Variants in PDS5A observed in about 807,000 individuals in gnomAD.
PDS5A encodes PDS5 cohesin associated factor A.
A neutral mutation model predicts 167.1 loss-of-function variants in PDS5A; 42 were observed. That is an observed-to-expected ratio of 0.25 (90% CI 0.20 to 0.33). The LOEUF is 0.33. Among genes scored for constraint, PDS5A ranks in the 10% least tolerant of loss-of-function variants. The pLI, the probability that PDS5A is intolerant of heterozygous loss-of-function variation, is 1.00. For synonymous variants in PDS5A, 553 were observed against 554.6 expected, an observed-to-expected ratio of 1.00 and a Z score of 0.04; for missense variants, 1,033 against 1,605.9, an observed-to-expected ratio of 0.64 and a Z score of 6.10.
chr4:39,835,272 T>C (rs970247389), intron 32 of PDS5A, among the ~76,000 whole-genome samples: 4 of 151,982 alleles, frequency 2.6e-5, no homozygotes, highest in African/African-American at 9.7e-5. Flanking sequence ...CCACCTACTG[T>C]CACTGAGATT....
chr4:39,968,454 CAG>C (rs989799908), intron 2 of PDS5A, among the ~76,000 whole-genome samples: 3 of 137,532 alleles, frequency 2.2e-5, no homozygotes, highest in South Asian at 2.3e-4. Context: ...TTTTTTGAGA[CAG>C]AGTTTCACTG....
At position 39,842,907 on chromosome 4, in the gene PDS5A, T is replaced by TATATATATATATATATATATATATA. The variant is rs1560419555; in HGVS notation, c.3549-852_3549-851insTATATATATATATATATATATATAT. 5.3e-4 allele frequency among the ~76,000 whole-genome samples: 15 copies of TATATATATATATATATATATATATA among 28,432 alleles called. 1 individual carries two copies. The highest frequency in any genetic ancestry group is 2.4e-3 in the East Asian group (3 of 1,240). The allele number at this position is 28,432 out of a possible 152,430, so 18.7% of individuals were successfully genotyped here. A position where few individuals can be genotyped will look rare whatever the true frequency, so the allele number is the denominator to read the frequency against. ...TTAGAACAATGTAAACTTATCCTATTTTTATATATATATATATATATATAT... is the reference window on the plus strand; with the variant it reads ...TTAGAACAATGTAAACTTATCCTATTATATATATATATATATATATATATATTTATATATATATATATATATATAT... On this transcript the variant is annotated intron_variant, in intron 30 of 32. Transcript: ENST00000303538.
At chr4:39,946,818 C>T (rs1423008927) in intron 2 of PDS5A, among the ~76,000 whole-genome samples, 1 of 152,108 alleles carries the variant, frequency 6.6e-6, no homozygotes, top group Non-Finnish European at 1.5e-5. Flanking sequence ...GAGGCTGAGG[C>T]AGGAGAATCG....
chr4:39,858,120 A>G (rs1428169001), intron 26 of PDS5A, among the ~76,000 whole-genome samples: 1 of 152,242 alleles, frequency 6.6e-6, no homozygotes, highest in Non-Finnish European at 1.5e-5. Context: ...ATCCTGTGCT[A>G]ATAGATTAGA....
chr4:39,847,606 T>A (rs28712700), intron 28 of PDS5A: 48,536 of 150,938 alleles, frequency 0.32, 8,337 homozygotes, highest in East Asian at 0.44. Context: ...AAAAAAAAAA[T>A]TTTTTTTATA....
chr4:39,920,739 C>A (rs555031789), intron 6 of PDS5A, among the ~76,000 whole-genome samples: 2 of 152,310 alleles, frequency 1.3e-5, no homozygotes, highest in East Asian at 1.9e-4. Context: ...GACAACTACA[C>A]CCACGTATCT....
chr4:39,944,460 G>A lies in PDS5A; in HGVS notation c.139-16296C>T, dbSNP rs937367681. 4.6e-5 allele frequency among the ~76,000 whole-genome samples: 7 copies of A among 151,984 alleles called. No homozygotes were observed. In the East Asian group the frequency reaches 9.6e-4, roughly 21 times the overall value. On this transcript the variant is annotated intron_variant, in intron 2 of 32. Transcript: ENST00000303538. Reference sequence around the variant, plus strand: ...TGTAATCCCAGCACTCCGGGAGGCCGAGGTGGGCGGATACCTGAGGTCAGG... The same window carrying A: ...TGTAATCCCAGCACTCCGGGAGGCCAAGGTGGGCGGATACCTGAGGTCAGG...
intron 6 of PDS5A, among the ~76,000 whole-genome samples, chr4:39,921,562 CCT>C (rs988622734): frequency 2.0e-5 from 3 of 149,146 alleles, no homozygotes; most frequent in Admixed American, 1.3e-4. Context: ...ATAGCGAAAC[CCT>C]GTTTCTACAA....
chr4:39,934,721 T>C (rs1726420478), intron 2 of PDS5A, among the ~76,000 whole-genome samples: 1 of 150,904 alleles, frequency 6.6e-6, no homozygotes, highest in African/African-American at 2.4e-5. Context: ...CTAACACCAA[T>C]ACTATTAATA....
At chr4:39,831,065 G>T (rs867929169) in intron 32 of PDS5A, among the ~76,000 whole-genome samples, 1 of 152,144 alleles carries the variant, frequency 6.6e-6, no homozygotes. Flanking sequence ...ATAGTACTGG[G>T]GAGAATGCAG....
chr4:39,857,335 G>C (rs997291263), intron 26 of PDS5A, among the ~76,000 whole-genome samples: 2 of 141,082 alleles, frequency 1.4e-5, no homozygotes, highest in African/African-American at 5.3e-5. Context: ...CTGGGCGACA[G>C]AGTGAGACTC....
intron 2 of PDS5A, among the ~76,000 whole-genome samples, chr4:39,975,267 C>A (rs1730980776): frequency 6.6e-6 from 1 of 152,140 alleles, no homozygotes. Context: ...ATGAAAGGAA[C>A]TGTTGTCTTA....
At chr4:39,933,809 ATAAAAGC>A (rs1454969796) in intron 2 of PDS5A, among the ~76,000 whole-genome samples, 1 of 152,238 alleles carries the variant, frequency 6.6e-6, no homozygotes, top group Non-Finnish European at 1.5e-5. Context: ...GGCAGGAAAG[ATAAAAGC>A]TACATTTCCT....
intron 2 of PDS5A, among the ~76,000 whole-genome samples, chr4:39,930,246 A>AAATTTTT: frequency 7.5e-5 from 7 of 93,154 alleles, no homozygotes; most frequent in South Asian, 4.4e-4. Flanking sequence ...AAAAAAAAAA[A>AAATTTTT]GTTTTTTTGT....
Position 39,969,777 on chromosome 4 carries a change from TC to T in PDS5A, c.138+6662del, listed in dbSNP as rs570349495. ...GTATTAATACAAAATATTCATTCATTCACTTAACAAGTATTTGTTCAGCACC... is the reference window on the plus strand; with the variant it reads ...GTATTAATACAAAATATTCATTCATTACTTAACAAGTATTTGTTCAGCACC... On this transcript the variant is annotated intron_variant, in intron 2 of 32. Coordinates refer to ENST00000303538, the MANE Select transcript of PDS5A (RefSeq NM_001100399.2). Among the ~76,000 whole-genome samples, 178 of 152,134 alleles carry T rather than the reference TC, an allele frequency of 1.2e-3. 1 individual carries two copies. The highest frequency in any genetic ancestry group is 4.2e-3 in the African/African-American group (174 of 41,396).
At chr4:39,871,466 G>A (rs1441463028) in intron 21 of PDS5A, among the ~76,000 whole-genome samples, 2 of 152,106 alleles carry the variant, frequency 1.3e-5, no homozygotes, top group Non-Finnish European at 2.9e-5. Context: ...TGTCTGCTGC[G>A]TTCAAAAGTG....
chr4:39,873,997 T>C (rs774503136), intron 20 of PDS5A, among the ~76,000 whole-genome samples: 139 of 152,258 alleles, frequency 9.1e-4, no homozygotes, highest in Non-Finnish European at 1.3e-3. Flanking sequence ...TGAGCAGAGA[T>C]TGCATCACTG....
At chr4:39,857,188 T>C (rs533142016) in intron 26 of PDS5A, among the ~76,000 whole-genome samples, 5 of 151,730 alleles carry the variant, frequency 3.3e-5, no homozygotes, top group Admixed American at 6.5e-5. Flanking sequence ...CCGTCTCTAC[T>C]GAAAATACAA....
chr4:39,906,928 A>T (rs969818139), intron 11 of PDS5A, among the ~76,000 whole-genome samples: 42 of 145,190 alleles, frequency 2.9e-4, no homozygotes, highest in East Asian at 2.1e-3. Context: ...AAAAAAAAAA[A>T]AAAAAAAAAA....
Sources: gnomAD v4.1 joint callset for allele counts (sites outside exome capture counted in the v4.1 genomes callset) on GRCh38, gnomAD v4.1.1 for gene constraint, MANE v1.5 for transcripts, NCBI Gene and HGNC (gene_info 2026-07-23, HGNC 2026-07-21) for gene names.